Variants in SLC8A1 observed in about 807,000 individuals in gnomAD.
The protein encoded by SLC8A1 is solute carrier family 8 member A1, also known as sodium/calcium exchanger 1.
In SLC8A1, 18 loss-of-function variants were observed where a neutral mutation model predicts 68.3. The observed-to-expected ratio is 0.26, with a 90% CI of 0.18 to 0.39. The LOEUF is 0.39. SLC8A1 is among the 10% of genes least tolerant of loss of function. The pLI is 1.00. For missense variants in SLC8A1, 985 were observed against 1,156.7 expected, an observed-to-expected ratio of 0.85 and a Z score of 2.15; for synonymous variants, 475 against 415.5, an observed-to-expected ratio of 1.14 and a Z score of -1.74.
chr2:40,363,971 A>T (rs950770628), intron 2 of SLC8A1, among the ~76,000 whole-genome samples: 16 of 151,806 alleles, frequency 1.1e-4, no homozygotes, highest in African/African-American at 3.6e-4. Context: ...TGAAAGCACA[A>T]TGTAAGTAGT....
chr2:40,342,837 C>G (rs554070269), intron 2 of SLC8A1, among the ~76,000 whole-genome samples: 55 of 152,070 alleles, frequency 3.6e-4, no homozygotes, highest in Non-Finnish European at 6.5e-4. Flanking sequence ...CAAATATGAA[C>G]AAACGTGAAC....
chr2:40,195,148 A>G (rs2052710898), intron 2 of SLC8A1, among the ~76,000 whole-genome samples: 1 of 152,120 alleles, frequency 6.6e-6, no homozygotes, highest in Non-Finnish European at 1.5e-5. Context: ...AAATCAACAC[A>G]GGGAAGCAAA....
intron 7 of SLC8A1, among the ~76,000 whole-genome samples, chr2:40,131,996 A>T (rs1019635300): frequency 2.7e-5 from 4 of 150,544 alleles, no homozygotes; most frequent in Admixed American, 6.7e-5. Flanking sequence ...TCATTTCTGA[A>T]TTTTTTTGAA....
At chr2:40,261,792 G>A (rs1457741610) in intron 2 of SLC8A1, among the ~76,000 whole-genome samples, 6 of 152,212 alleles carry the variant, frequency 3.9e-5, no homozygotes, top group East Asian at 1.9e-4. Flanking sequence ...ATTTTCCTTC[G>A]CATGTCTTTT....
At chr2:40,216,262 T>C (rs981348609) in intron 2 of SLC8A1, among the ~76,000 whole-genome samples, 2 of 152,138 alleles carry the variant, frequency 1.3e-5, no homozygotes, top group Non-Finnish European at 2.9e-5. Context: ...GGTGTTTGGT[T>C]TTCTGTTCCT....
At chr2:40,162,252 A>G (rs1170795518) in intron 5 of SLC8A1, among the ~76,000 whole-genome samples, 1 of 152,180 alleles carries the variant, frequency 6.6e-6, no homozygotes, top group African/African-American at 2.4e-5. Context: ...ACCAGCATCC[A>G]TCTTTCTTTT....
At chr2:40,231,296 T>C (rs894732442) in intron 2 of SLC8A1, among the ~76,000 whole-genome samples, 2 of 152,160 alleles carry the variant, frequency 1.3e-5, no homozygotes, top group African/African-American at 4.8e-5. Flanking sequence ...ACGGGAAATG[T>C]GCATATGTAA....
intron 6 of SLC8A1, among the ~76,000 whole-genome samples, chr2:40,142,739 A>C (rs2041809641): frequency 6.6e-6 from 1 of 152,182 alleles, no homozygotes; most frequent in Non-Finnish European, 1.5e-5. Flanking sequence ...CATGTTTGTA[A>C]AGTGTCTGAG....
At chr2:40,459,801 T>C (rs527677708) in intron 1 of SLC8A1, among the ~76,000 whole-genome samples, 2 of 152,314 alleles carry the variant, frequency 1.3e-5, no homozygotes, top group South Asian at 4.1e-4. Flanking sequence ...CTGCTTTCTA[T>C]GGGTCCATCA....
At chr2:40,256,947 T>A (rs2064021137) in intron 2 of SLC8A1, among the ~76,000 whole-genome samples, 1 of 152,052 alleles carries the variant, frequency 6.6e-6, no homozygotes, top group Non-Finnish European at 1.5e-5. Context: ...GGTGAGCCCA[T>A]CAGCAACTCA....
chr2:40,381,635 T>A (rs759267785), intron 2 of SLC8A1, among the ~76,000 whole-genome samples: 1 of 152,002 alleles, frequency 6.6e-6, no homozygotes. Context: ...AGCTGTCCTA[T>A]AGAACAGATG....
intron 1 of SLC8A1, 82 bp downstream of exon 1, chr2:40,451,822 G>A (rs1702573138): frequency 6.4e-6 from 1 of 155,042 alleles, no homozygotes; most frequent in Admixed American, 6.5e-5. Flanking sequence ...GCAGAGGGAA[G>A]TGTAGCCTTA....
At chr2:40,337,694 C>T (rs1666417712) in intron 2 of SLC8A1, among the ~76,000 whole-genome samples, 2 of 152,146 alleles carry the variant, frequency 1.3e-5, no homozygotes, top group Admixed American at 1.3e-4. Context: ...AGTTACACTC[C>T]TATATTCCTA....
chr2:40,318,030 T>C (rs1038332808), intron 2 of SLC8A1, among the ~76,000 whole-genome samples: 1 of 152,030 alleles, frequency 6.6e-6, no homozygotes, highest in African/African-American at 2.4e-5. Context: ...CAGTGCAAGC[T>C]TTGATTTGAA....
intron 1 of SLC8A1, among the ~76,000 whole-genome samples, chr2:40,448,038 A>G (rs1701765188): frequency 6.6e-6 from 1 of 152,236 alleles, no homozygotes. Context: ...CCTACTGTTC[A>G]ATATAGTCTC....
chr2:40,145,635 G>C, intron 6 of SLC8A1, among the ~76,000 whole-genome samples: 2 of 152,030 alleles, frequency 1.3e-5, no homozygotes, highest in Admixed American at 1.3e-4. Context: ...TGAGAGAATC[G>C]TAAAGAATAA....
intron 2 of SLC8A1, among the ~76,000 whole-genome samples, chr2:40,395,107 A>C (rs528131708): frequency 9.4e-4 from 143 of 152,310 alleles, no homozygotes; most frequent in African/African-American, 3.2e-3. Context: ...TTTAAGACAA[A>C]AGTTTACCTT....
chr2:40,408,067 C>A (rs1368437869), intron 2 of SLC8A1, among the ~76,000 whole-genome samples: 1 of 152,164 alleles, frequency 6.6e-6, no homozygotes, highest in Non-Finnish European at 1.5e-5. Flanking sequence ...AATAATCTTC[C>A]AGCATGCCAG....
At chr2:40,337,563 T>A (rs956845401) in intron 2 of SLC8A1, among the ~76,000 whole-genome samples, 4 of 152,166 alleles carry the variant, frequency 2.6e-5, no homozygotes, top group African/African-American at 9.7e-5. Flanking sequence ...TCAGTGGCAC[T>A]CAATGGTATT....
Sources: allele counts gnomAD v4.1 joint callset (sites outside exome capture counted in the v4.1 genomes callset), GRCh38; gene constraint gnomAD v4.1.1; transcripts MANE v1.5; gene names NCBI Gene and HGNC (gene_info 2026-07-23, HGNC 2026-07-21).